The following MARCHF1 variants were observed in gnomAD, a reference collection of about 807,000 sequenced individuals.
MARCHF1 encodes the protein E3 ubiquitin-protein ligase MARCHF1.
Under a neutral mutation model 54.2 loss-of-function variants are expected in MARCHF1, and 40 were observed. The ratio of observed to expected loss-of-function variants is 0.74; its 90% CI spans 0.57 to 0.96. The LOEUF is 0.96. Ranked by LOEUF, MARCHF1 falls within the 40% of genes least tolerant of loss-of-function variation. The pLI is 0.00. For synonymous variants in MARCHF1, 236 were observed against 236.3 expected (o/e 1.00, Z 0.01); for missense variants, 586 against 656.5 (o/e 0.89, Z 1.17).
intron 4 of MARCHF1, among the ~76,000 whole-genome samples, chr4:163,796,047 C>T (rs570969924): frequency 1.5e-4 from 23 of 151,914 alleles, no homozygotes; most frequent in African/African-American, 4.8e-4. Flanking sequence ...ATTGAGTAGG[C>T]GGAAGAGGAG....
intron 3 of MARCHF1, among the ~76,000 whole-genome samples, chr4:163,982,015 T>C (rs1752773121): frequency 6.6e-6 from 1 of 152,382 alleles, no homozygotes. Flanking sequence ...TAATAGTCTA[T>C]AAAATGTGTT....
intron 2 of MARCHF1, among the ~76,000 whole-genome samples, chr4:164,106,657 C>T (rs1488042620): frequency 2.7e-5 from 4 of 149,154 alleles, no homozygotes; most frequent in Non-Finnish European, 3.0e-5. Context: ...GGGAGATATA[C>T]CTAATGCTAG....
intron 5 of MARCHF1, among the ~76,000 whole-genome samples, chr4:163,676,838 T>A (rs1243841369): frequency 6.6e-6 from 1 of 151,956 alleles, no homozygotes; most frequent in African/African-American, 2.4e-5. Context: ...GAGAAAAAAT[T>A]AAGTTCATAT....
intron 1 of MARCHF1, among the ~76,000 whole-genome samples, chr4:164,156,183 A>T (rs1460173186): frequency 6.6e-6 from 1 of 152,190 alleles, no homozygotes. Context: ...TGAGGCCCCC[A>T]GTTCTACATT....
chr4:164,162,457 A>G (rs986186121), intron 1 of MARCHF1, among the ~76,000 whole-genome samples: 5 of 152,120 alleles, frequency 3.3e-5, no homozygotes, highest in Non-Finnish European at 7.4e-5. Flanking sequence ...GCTGCCTGAC[A>G]GGAGCCGTGA....
chr4:163,568,893 T>TTC (rs1739739161), intron 8 of MARCHF1, among the ~76,000 whole-genome samples: 1 of 152,106 alleles, frequency 6.6e-6, no homozygotes, highest in African/African-American at 2.4e-5. Flanking sequence ...TTGTTCAAGG[T>TTC]TGCTCAGTGC....
chr4:164,033,049 TG>T (rs931467339), intron 2 of MARCHF1, among the ~76,000 whole-genome samples: 6 of 151,638 alleles, frequency 4.0e-5, no homozygotes, highest in Non-Finnish European at 8.8e-5. Flanking sequence ...AAACAAGCAA[TG>T]GGGAAAGAAT....
chr4:163,899,328 A>C (rs961450026), intron 3 of MARCHF1, among the ~76,000 whole-genome samples: 1 of 152,166 alleles, frequency 6.6e-6, no homozygotes, highest in Admixed American at 6.5e-5. Flanking sequence ...CGGATTGTTA[A>C]ATTTAATGGT....
At chr4:163,758,579 G>T (rs1005754787) in intron 4 of MARCHF1, among the ~76,000 whole-genome samples, 1 of 152,176 alleles carries the variant, frequency 6.6e-6, no homozygotes, top group Non-Finnish European at 1.5e-5. Flanking sequence ...GCTATAAAAA[G>T]AATCCCAATT....
chr4:164,088,757 T>C (rs545484539), intron 2 of MARCHF1, among the ~76,000 whole-genome samples: 3 of 151,918 alleles, frequency 2.0e-5, no homozygotes, highest in East Asian at 1.9e-4. Context: ...TAAAATAAAA[T>C]AGAACAAAAT....
chr4:164,155,013 A>G lies in MARCHF1; in HGVS notation c.-322-43351T>C, dbSNP rs538114021. ...GCTAATTCTCCGACTGTCCCCAGCC[A>G]AACTCCTCCTAACATTCCTTTTCTT... On this transcript the variant is annotated intron_variant, in intron 1 of 9. Coordinates refer to ENST00000514618, the MANE Select transcript of MARCHF1 (RefSeq NM_001394959.1). 6.7e-4 allele frequency among the ~76,000 whole-genome samples: 102 copies of G among 152,266 alleles called. 1 individual carries two copies. Among genetic ancestry groups the G allele is most frequent in the African/African-American group, 2.3e-3 (95 of 41,550 alleles).
At chr4:164,310,532 T>C (rs1241280089) in intron 1 of MARCHF1, among the ~76,000 whole-genome samples, 2 of 151,990 alleles carry the variant, frequency 1.3e-5, no homozygotes, top group African/African-American at 2.4e-5. Flanking sequence ...ATCATTTTTA[T>C]ACAGGACGTG....
intron 1 of MARCHF1, among the ~76,000 whole-genome samples, chr4:164,199,771 T>C (rs1731404079): frequency 6.6e-6 from 1 of 151,774 alleles, no homozygotes; most frequent in Admixed American, 6.6e-5. Context: ...GGTGTAGATA[T>C]GACAATTTTA....
chr4:163,963,926 A>G (rs957284249), intron 3 of MARCHF1, among the ~76,000 whole-genome samples: 1 of 151,984 alleles, frequency 6.6e-6, no homozygotes, highest in Non-Finnish European at 1.5e-5. Flanking sequence ...TGCAACAGTA[A>G]GAGACCTTAT....
chr4:163,784,111 T>G (rs1432061762), intron 4 of MARCHF1, among the ~76,000 whole-genome samples: 6 of 151,936 alleles, frequency 3.9e-5, no homozygotes, highest in African/African-American at 1.4e-4. Context: ...TTATGATTGA[T>G]GAAAATATGA....
chr4:163,635,611 C>T (rs1425788962), intron 5 of MARCHF1, among the ~76,000 whole-genome samples: 1 of 148,928 alleles, frequency 6.7e-6, no homozygotes, highest in Admixed American at 6.7e-5. Context: ...AATAGCTTAC[C>T]AACCAAAAAG....
chr4:163,568,693 A>C (rs913973667), intron 8 of MARCHF1, among the ~76,000 whole-genome samples: 1 of 152,104 alleles, frequency 6.6e-6, no homozygotes, highest in Admixed American at 6.6e-5. Flanking sequence ...CTTTTTGGCC[A>C]GTGTACCTTG....
intron 3 of MARCHF1, among the ~76,000 whole-genome samples, chr4:163,953,833 T>A (rs1752181281): frequency 6.6e-6 from 1 of 152,234 alleles, no homozygotes; most frequent in South Asian, 2.1e-4. Context: ...CATTTCTTTA[T>A]GTATTGGCTT....
At chr4:163,821,820 CAGAGA>C (rs1579314084) in intron 4 of MARCHF1, among the ~76,000 whole-genome samples, 1 of 149,478 alleles carries the variant, frequency 6.7e-6, no homozygotes. Context: ...AAAGAGAGCT[CAGAGA>C]AAACAGACTA....
Sources: gnomAD v4.1 joint callset for allele counts (sites outside exome capture counted in the v4.1 genomes callset) on GRCh38, gnomAD v4.1.1 for gene constraint, MANE v1.5 for transcripts, NCBI Gene and HGNC (gene_info 2026-07-23, HGNC 2026-07-21) for gene names.